The following SGCZ variants were observed in gnomAD, a reference collection of about 807,000 sequenced individuals.
SGCZ encodes the protein sarcoglycan zeta.
Under a neutral mutation model 41.3 loss-of-function variants are expected in SGCZ, and 40 were observed. The observed-to-expected ratio is 0.97, with a 90% confidence interval of 0.75 to 1.26. The LOEUF (loss-of-function observed/expected upper bound fraction) is 1.26, where lower values mean the gene tolerates loss of function less well. Among genes scored for constraint, SGCZ ranks in the 50% most tolerant of loss-of-function variants. The pLI, the probability that SGCZ is intolerant of heterozygous loss-of-function variation, is 0.00. For synonymous variants in SGCZ, 206 were observed against 137.5 expected, an observed-to-expected ratio of 1.50 and a Z score of -3.49; for missense variants, 552 against 369.8, an observed-to-expected ratio of 1.49 and a Z score of -4.04.
intron 1 of SGCZ, among the ~76,000 whole-genome samples, chr8:14,571,929 A>G (rs564204380): frequency 1.4e-4 from 21 of 152,318 alleles, no homozygotes; most frequent in Non-Finnish European, 2.6e-4. Flanking sequence ...CTTAATGTAC[A>G]CATTACTATA....
chr8:14,876,312 A>G lies in SGCZ; in HGVS notation c.40-321386T>C, dbSNP rs139356781. On this transcript the variant is annotated intron_variant, in intron 1 of 7. Coordinates refer to ENST00000382080, the MANE Select transcript of SGCZ (RefSeq NM_139167.4). Reference sequence around the variant, plus strand: ...AAAATATTTTGAGATAAATGAAAACAACATAGCATTACAAAACTGAAACGA... The same window carrying G: ...AAAATATTTTGAGATAAATGAAAACGACATAGCATTACAAAACTGAAACGA... 1.8e-3 allele frequency among the ~76,000 whole-genome samples: 278 copies of G among 152,328 alleles called. 1 individual carries two copies. Among genetic ancestry groups the G allele is most frequent in the African/African-American group, 5.5e-3 (229 of 41,590 alleles).
chr8:14,524,087 T>C (rs1802868300), intron 2 of SGCZ, among the ~76,000 whole-genome samples: 1 of 152,156 alleles, frequency 6.6e-6, no homozygotes, highest in East Asian at 1.9e-4. Context: ...AAAGTTGGTA[T>C]CTAGTGATTA....
chr8:14,841,324 G>A (rs1334033082), intron 1 of SGCZ, among the ~76,000 whole-genome samples: 1 of 151,898 alleles, frequency 6.6e-6, no homozygotes, highest in South Asian at 2.1e-4. Flanking sequence ...TAACATAAGA[G>A]ATAAATAGGC....
At chr8:14,105,645 T>A (rs1042057497) in intron 6 of SGCZ, among the ~76,000 whole-genome samples, 12 of 152,240 alleles carry the variant, frequency 7.9e-5, no homozygotes, top group African/African-American at 2.9e-4. Context: ...AACACTTATC[T>A]TGGGGGTTGC....
chr8:14,630,693 T>TA (rs36180833), intron 1 of SGCZ, among the ~76,000 whole-genome samples: 52,640 of 151,600 alleles, frequency 0.35, 9,372 homozygotes, highest in East Asian at 0.63. Flanking sequence ...TATGCAGCCA[T>TA]AAAAAAGATG....
At chr8:14,740,166 G>C (rs1031047903) in intron 1 of SGCZ, among the ~76,000 whole-genome samples, 1 of 151,976 alleles carries the variant, frequency 6.6e-6, no homozygotes, top group Non-Finnish European at 1.5e-5. Flanking sequence ...AGATTCTAGA[G>C]TCATTGACTT....
At chr8:14,658,167 C>A (rs896103895) in intron 1 of SGCZ, among the ~76,000 whole-genome samples, 6 of 152,176 alleles carry the variant, frequency 3.9e-5, no homozygotes, top group Admixed American at 2.6e-4. Context: ...TTCATTCTTT[C>A]AATTCCTCAA....
At chr8:15,174,546 G>C (rs1333794921) in intron 1 of SGCZ, among the ~76,000 whole-genome samples, 6 of 152,028 alleles carry the variant, frequency 3.9e-5, no homozygotes, top group African/African-American at 9.7e-5. Context: ...TAAAAACAAA[G>C]ACACATAAGA....
chr8:14,837,355 C>T (rs572762742), intron 1 of SGCZ, among the ~76,000 whole-genome samples: 26 of 152,272 alleles, frequency 1.7e-4, no homozygotes, highest in African/African-American at 5.3e-4. Context: ...AGATATTCTA[C>T]GAGAAAACAT....
At chr8:15,131,158 T>C (rs1049646275) in intron 1 of SGCZ, among the ~76,000 whole-genome samples, 5 of 152,202 alleles carry the variant, frequency 3.3e-5, no homozygotes, top group African/African-American at 1.2e-4. Context: ...GTGATATCGT[T>C]TGTCTGTGTC....
At chr8:14,969,876 C>A (rs990747453) in intron 1 of SGCZ, among the ~76,000 whole-genome samples, 10 of 152,060 alleles carry the variant, frequency 6.6e-5, no homozygotes, top group African/African-American at 2.4e-4. Flanking sequence ...TCATTTTTCT[C>A]TTTGGTAAAT....
At chr8:14,294,958 A>G (rs920995797) in intron 3 of SGCZ, among the ~76,000 whole-genome samples, 2 of 152,164 alleles carry the variant, frequency 1.3e-5, no homozygotes, top group Non-Finnish European at 2.9e-5. Context: ...ATTCTCATAC[A>G]TTTATTGCAA....
intron 2 of SGCZ, among the ~76,000 whole-genome samples, chr8:14,338,352 C>A (rs1312578858): frequency 1.3e-5 from 2 of 152,188 alleles, no homozygotes; most frequent in African/African-American, 4.8e-5. Context: ...CAGAATAAAG[C>A]CATCTTTCCA....
At chr8:14,783,374 C>A (rs1039219068) in intron 1 of SGCZ, among the ~76,000 whole-genome samples, 2 of 149,952 alleles carry the variant, frequency 1.3e-5, no homozygotes, top group South Asian at 2.1e-4. Context: ...GTGGAAGTTG[C>A]AGTGAGCTGA....
rs1801487312 is a variant in SGCZ, at chr8:14,085,095, T to C, written c.*5348A>G. On this transcript the variant is annotated 3_prime_UTR_variant, in exon 8 of 8. Coordinates refer to ENST00000382080, the MANE Select transcript of SGCZ (RefSeq NM_139167.4). ...AAGATACAATAGACTGATTTTTGAA[T>C]AGATATGTTATCTACAGTTTATAGG... is the stretch of plus-strand genomic sequence containing the variant. Among the ~76,000 whole-genome samples, 1 of 151,806 alleles carries C rather than the reference T, an allele frequency of 6.6e-6. No homozygotes were observed. Among genetic ancestry groups the C allele is most frequent in the Admixed American group, 6.6e-5 (1 of 15,188 alleles).
intron 1 of SGCZ, among the ~76,000 whole-genome samples, chr8:14,973,502 G>T (rs552996925): frequency 2.0e-5 from 3 of 152,060 alleles, no homozygotes; most frequent in African/African-American, 7.2e-5. Flanking sequence ...TCCCTTGTCC[G>T]TTTAACTGTG....
chr8:15,070,306 A>G (rs112586278), intron 1 of SGCZ, among the ~76,000 whole-genome samples: 3,386 of 152,274 alleles, frequency 0.022, 120 homozygotes, highest in African/African-American at 0.076. Flanking sequence ...TTTAAGGTTC[A>G]TCTTCTCTAA....
intron 4 of SGCZ, among the ~76,000 whole-genome samples, chr8:14,201,862 C>T (rs888217121): frequency 9.8e-6 from 1 of 102,256 alleles, no homozygotes; most frequent in Non-Finnish European, 2.8e-5. Flanking sequence ...CTTTAAAAAA[C>T]AACAACAATA....
chr8:14,217,689 G>A (rs895025141), intron 4 of SGCZ, among the ~76,000 whole-genome samples: 4 of 143,222 alleles, frequency 2.8e-5, no homozygotes, highest in Non-Finnish European at 6.0e-5. Context: ...GAGTGCAGCG[G>A]TGTGATCTCG....
Sources: allele counts gnomAD v4.1 joint callset (sites outside exome capture counted in the v4.1 genomes callset), GRCh38; gene constraint gnomAD v4.1.1; transcripts MANE v1.5; gene names NCBI Gene and HGNC (gene_info 2026-07-23, HGNC 2026-07-21).